The following ME1 variants were observed in gnomAD, a reference collection of about 807,000 sequenced individuals.
The protein encoded by ME1 is NADP-dependent malic enzyme.
In ME1, 74 loss-of-function variants were observed where a neutral mutation model predicts 66.4. The ratio of observed to expected loss-of-function variants is 1.11; its 90% CI spans 0.92 to 1.35. The LOEUF (loss-of-function observed/expected upper bound fraction) is 1.35, where lower values mean the gene tolerates loss of function less well. Among genes scored for constraint, ME1 ranks in the 40% most tolerant of loss-of-function variants. The pLI is 0.00. For missense variants in ME1, 750 were observed against 694.1 expected (o/e 1.08, Z -0.90); for synonymous variants, 251 against 235.6 (o/e 1.07, Z -0.60).
At chr6:83,425,508 A>G (rs987729391) in intron 1 of ME1, among the ~76,000 whole-genome samples, 1 of 152,180 alleles carries the variant, frequency 6.6e-6, no homozygotes, top group Admixed American at 6.5e-5. Context: ...GGCAGGAAAA[A>G]GAATGAGCAA....
intron 3 of ME1, among the ~76,000 whole-genome samples, chr6:83,357,214 A>T (rs750551579): frequency 1.4e-4 from 22 of 152,136 alleles, no homozygotes; most frequent in Non-Finnish European, 2.4e-4. Flanking sequence ...CCTATTAGTG[A>T]TGATGTTCAC....
At chr6:83,357,933 C>CTATA (rs1768926544) in intron 3 of ME1, among the ~76,000 whole-genome samples, 20 of 44,954 alleles carry the variant, frequency 4.4e-4, no homozygotes, top group South Asian at 9.4e-4. Context: ...CTCTCTCTCT[C>CTATA]TCTATATATA....
chr6:83,245,079 G>A (rs1583337493), intron 7 of ME1, among the ~76,000 whole-genome samples: 2 of 152,212 alleles, frequency 1.3e-5, no homozygotes, highest in East Asian at 3.9e-4. Context: ...GAAGAACAGG[G>A]AGAGCAGGTG....
chr6:83,348,990 A>AT (rs1222405931), intron 4 of ME1, among the ~76,000 whole-genome samples: 13 of 147,342 alleles, frequency 8.8e-5, no homozygotes, highest in African/African-American at 3.0e-4. Context: ...GTCTCAAAAA[A>AT]AAAAAAAAAA....
At chr6:83,323,123 C>T (rs1768212696) in intron 5 of ME1, among the ~76,000 whole-genome samples, 1 of 152,124 alleles carries the variant, frequency 6.6e-6, no homozygotes, top group Non-Finnish European at 1.5e-5. Flanking sequence ...TTTGTCACCA[C>T]CAGACCTGCC....
At chr6:83,296,165 G>A (rs935859685) in intron 6 of ME1, among the ~76,000 whole-genome samples, 2 of 152,174 alleles carry the variant, frequency 1.3e-5, no homozygotes, top group African/African-American at 2.4e-5. Flanking sequence ...ATTCTATGAT[G>A]CCAGCATCAT....
intron 3 of ME1, among the ~76,000 whole-genome samples, chr6:83,378,254 A>G (rs1025075322): frequency 6.6e-6 from 1 of 152,204 alleles, no homozygotes; most frequent in African/African-American, 2.4e-5. Context: ...ATAATTGAGC[A>G]TAAAATAGTA....
intron 6 of ME1, among the ~76,000 whole-genome samples, chr6:83,264,621 A>G (rs1766955361): frequency 6.6e-6 from 1 of 152,200 alleles, no homozygotes; most frequent in Non-Finnish European, 1.5e-5. Context: ...TCCAACCCTC[A>G]TGGATGACTT....
intron 3 of ME1, among the ~76,000 whole-genome samples, chr6:83,378,473 A>G (rs1769335733): frequency 6.6e-6 from 1 of 152,086 alleles, no homozygotes; most frequent in Non-Finnish European, 1.5e-5. Flanking sequence ...TTTTTTTCTC[A>G]TATAGACCCT....
chr6:83,222,300 C>T (rs1936820), intron 12 of ME1, among the ~76,000 whole-genome samples: 8,281 of 152,186 alleles, frequency 0.054, 718 homozygotes, highest in African/African-American at 0.19. Context: ...GTGAAGAAAA[C>T]GACAGGAGAA....
rs35205380 is a variant in ME1, at chr6:83,300,610, C to CTTTTTTTTTTTTTTT, written c.704+14685_704+14699dup. 1.7e-3 allele frequency among the ~76,000 whole-genome samples: 146 copies of CTTTTTTTTTTTTTTT among 84,946 alleles called. 2 individuals carry two copies. Among genetic ancestry groups the CTTTTTTTTTTTTTTT allele is most frequent in the African/African-American group, 3.4e-3 (74 of 21,548 alleles). 55.7% of individuals were successfully genotyped at this position (84,946 alleles called of 152,430 possible). On this transcript the variant is annotated intron_variant, in intron 6 of 13. Transcript: ENST00000369705. ...TTCTTTTATTTTCCTTTCTTTCTTT[C>CTTTTTTTTTTTTTTT]TTTTTTTTTTTTTTTTTTTTTTTGA...
At chr6:83,223,567 C>T (rs1478363839) in intron 12 of ME1, among the ~76,000 whole-genome samples, 193 bp downstream of exon 12, 1 of 152,222 alleles carries the variant, frequency 6.6e-6, no homozygotes, top group Non-Finnish European at 1.5e-5. Flanking sequence ...CTAATGACTA[C>T]TGAAGAAGAA....
chr6:83,419,596 T>G (rs1189464156), intron 1 of ME1, among the ~76,000 whole-genome samples: 2 of 152,212 alleles, frequency 1.3e-5, no homozygotes, highest in Admixed American at 6.5e-5. Flanking sequence ...GGGAACCAGC[T>G]AGCCCAGACA....
chr6:83,237,274 A>AGAAAGAAAGAAAGAGAAAGAAAGGAAG (rs1554262978), intron 9 of ME1, among the ~76,000 whole-genome samples: 1 of 83,676 alleles, frequency 1.2e-5, no homozygotes, highest in Non-Finnish European at 2.4e-5. Flanking sequence ...AAAGAAAGAA[A>AGAAAGAAAGAAAGAGAAAGAAAGGAAG]GAAAGGAAGG....
At chr6:83,258,929 G>A (rs910461023) in intron 6 of ME1, among the ~76,000 whole-genome samples, 1 of 152,022 alleles carries the variant, frequency 6.6e-6, no homozygotes, top group Admixed American at 6.6e-5. Context: ...TAAAATAAGG[G>A]TGTTATAATT....
intron 5 of ME1, among the ~76,000 whole-genome samples, chr6:83,324,457 A>C (rs557984902): frequency 6.6e-6 from 1 of 152,158 alleles, no homozygotes; most frequent in African/African-American, 2.4e-5. Flanking sequence ...AAAGAAGAAA[A>C]GAGAGAAGAA....
At chr6:83,362,995 C>T (rs1769032157) in intron 3 of ME1, among the ~76,000 whole-genome samples, 1 of 152,150 alleles carries the variant, frequency 6.6e-6, no homozygotes, top group South Asian at 2.1e-4. Flanking sequence ...ACAATGCCAA[C>T]TAGGTGACAA....
chr6:83,219,031 TA>T (rs2128522810), intron 12 of ME1, among the ~76,000 whole-genome samples: 1 of 152,308 alleles, frequency 6.6e-6, no homozygotes, highest in Non-Finnish European at 1.5e-5. Flanking sequence ...ATTAAAAGAA[TA>T]TTAAAAGAAT....
At chr6:83,325,274 A>G (rs1031847054) in intron 5 of ME1, among the ~76,000 whole-genome samples, 1 of 152,228 alleles carries the variant, frequency 6.6e-6, no homozygotes, top group African/African-American at 2.4e-5. Context: ...AATGGACAAA[A>G]GCTGGAAGCA....
Sources: gnomAD v4.1 joint callset for allele counts (sites outside exome capture counted in the v4.1 genomes callset) on GRCh38, gnomAD v4.1.1 for gene constraint, MANE v1.5 for transcripts, NCBI Gene and HGNC (gene_info 2026-07-23, HGNC 2026-07-21) for gene names.